Variants in UCK2 observed in about 807,000 individuals in gnomAD.
UCK2 encodes the protein uridine-cytidine kinase 2.
UCK2 carries 6 observed loss-of-function variants against 30.8 expected under a neutral mutation model. The ratio of observed to expected loss-of-function variants is 0.19; its 90% confidence interval spans 0.11 to 0.38. UCK2 has a LOEUF of 0.38. Ranked by LOEUF, UCK2 falls within the 10% of genes least tolerant of loss-of-function variation. UCK2 has a pLI of 1.00. For missense variants in UCK2, 210 were observed against 339.8 expected, an observed-to-expected ratio of 0.62 and a Z score of 3.00; for synonymous variants, 125 against 133.6, an observed-to-expected ratio of 0.94 and a Z score of 0.45.
chr1:165,909,003 A>G lies in UCK2; in HGVS notation c.*1180A>G, dbSNP rs892394261. The G allele has an allele frequency of 5.3e-5, 8 of 152,334 alleles. No homozygotes were observed. The highest frequency in any genetic ancestry group is 1.2e-4 in the African/African-American group (5 of 41,560). 9.4% of individuals were successfully genotyped at this position (152,334 alleles called of 1,614,324 possible). A position where few individuals can be genotyped will look rare whatever the true frequency, so the allele number is the denominator to read the frequency against. On this transcript the variant is annotated 3_prime_UTR_variant, in exon 7 of 7. Coordinates refer to ENST00000367879, the MANE Select transcript of UCK2 (RefSeq NM_012474.5). The stretch of plus-strand genomic sequence containing the variant: ...GGCCAGGATGCTTTACTTATTTGCA[A>G]TACCACCTAGTGGATATGGCAACTG...
chr1:165,873,099 A>G (rs1194193284), intron 1 of UCK2, among the ~76,000 whole-genome samples: 1 of 152,248 alleles, frequency 6.6e-6, no homozygotes, highest in Non-Finnish European at 1.5e-5. Flanking sequence ...GAACTACCGA[A>G]AAACAAACCA....
intron 1 of UCK2, among the ~76,000 whole-genome samples, chr1:165,850,618 T>A (rs1654567312): frequency 5.1e-3 from 1 of 196 alleles, no homozygotes. Context: ...ATTTTTAAAT[T>A]TTTTTTTTTT....
At chr1:165,845,784 C>G (rs1362013846) in intron 1 of UCK2, among the ~76,000 whole-genome samples, 4 of 152,228 alleles carry the variant, frequency 2.6e-5, no homozygotes, top group African/African-American at 9.6e-5. Flanking sequence ...CCTCCTGCCT[C>G]AGCCTCCTGA....
At chr1:165,861,843 T>A (rs1056978757) in intron 1 of UCK2, among the ~76,000 whole-genome samples, 1 of 152,102 alleles carries the variant, frequency 6.6e-6, no homozygotes, top group Non-Finnish European at 1.5e-5. Flanking sequence ...AGCTTATTTT[T>A]CTCTTCACCA....
chr1:165,907,081 C>T (rs1280040916), intron 6 of UCK2, among the ~76,000 whole-genome samples: 2 of 152,178 alleles, frequency 1.3e-5, no homozygotes, highest in African/African-American at 4.8e-5. Context: ...TGAGCTTATA[C>T]AGTCTGAAGG....
At chr1:165,872,374 C>G (rs891697843) in intron 1 of UCK2, among the ~76,000 whole-genome samples, 1 of 152,104 alleles carries the variant, frequency 6.6e-6, no homozygotes, top group Non-Finnish European at 1.5e-5. Flanking sequence ...CATGCCTGGC[C>G]GTCTTTTAGG....
At chr1:165,850,198 T>G (rs1430843992) in intron 1 of UCK2, among the ~76,000 whole-genome samples, 1 of 150,986 alleles carries the variant, frequency 6.6e-6, no homozygotes, top group Non-Finnish European at 1.5e-5. Flanking sequence ...TGTTGTGATC[T>G]TGGCTCACCA....
intron 1 of UCK2, among the ~76,000 whole-genome samples, chr1:165,877,210 TAC>T (rs1426833332): frequency 6.6e-6 from 1 of 152,190 alleles, no homozygotes; most frequent in Non-Finnish European, 1.5e-5. Flanking sequence ...TGAGAAGCTA[TAC>T]CTCTGGGATA....
chr1:165,871,244 A>ACTCT (rs1475381078), intron 1 of UCK2, among the ~76,000 whole-genome samples: 3 of 152,178 alleles, frequency 2.0e-5, no homozygotes, highest in African/African-American at 4.8e-5. Flanking sequence ...TCTTAACAGG[A>ACTCT]TACCCTGCAC....
chr1:165,856,992 CAG>C (rs1654763893), intron 1 of UCK2, among the ~76,000 whole-genome samples: 1 of 150,452 alleles, frequency 6.6e-6, no homozygotes, highest in Non-Finnish European at 1.5e-5. Context: ...TCATTCTCTG[CAG>C]AGAGAATGTT....
At chr1:165,858,475 C>A (rs1034483370) in intron 1 of UCK2, among the ~76,000 whole-genome samples, 1 of 152,210 alleles carries the variant, frequency 6.6e-6, no homozygotes, top group African/African-American at 2.4e-5. Context: ...GGTGAACAAA[C>A]AAGCAACCAG....
chr1:165,836,252 A>C (rs1654188735), intron 1 of UCK2, among the ~76,000 whole-genome samples: 1 of 152,196 alleles, frequency 6.6e-6, no homozygotes, highest in Admixed American at 6.5e-5. Flanking sequence ...AAACAAAAAA[A>C]ACAACCAAAT....
chr1:165,903,583 G>A (rs567273023), intron 5 of UCK2, among the ~76,000 whole-genome samples: 3 of 152,116 alleles, frequency 2.0e-5, no homozygotes, highest in Non-Finnish European at 4.4e-5. Flanking sequence ...GTGTGAGACC[G>A]TTTACTGAGG....
chr1:165,860,737 A>C (rs1243235607), intron 1 of UCK2, among the ~76,000 whole-genome samples: 1 of 152,170 alleles, frequency 6.6e-6, no homozygotes, highest in Non-Finnish European at 1.5e-5. Context: ...GGTGTGAGCC[A>C]CAGCGCCCCG....
intron 1 of UCK2, among the ~76,000 whole-genome samples, chr1:165,833,290 G>T (rs995077777): frequency 3.9e-5 from 6 of 152,056 alleles, no homozygotes; most frequent in African/African-American, 1.4e-4. Flanking sequence ...TGGCCCTTCG[G>T]ACCTTCTTCC....
At chr1:165,851,484 A>G (rs370847280) in intron 1 of UCK2, among the ~76,000 whole-genome samples, 2 of 152,062 alleles carry the variant, frequency 1.3e-5, no homozygotes, top group African/African-American at 4.8e-5. Context: ...AGACCTCCTT[A>G]TAGCCTGATG....
chr1:165,875,172 A>G (rs1655305300), intron 1 of UCK2, among the ~76,000 whole-genome samples: 1 of 152,172 alleles, frequency 6.6e-6, no homozygotes, highest in African/African-American at 2.4e-5. Context: ...TTAGGCATGT[A>G]GCTTATTAAC....
At chr1:165,888,871 G>T (rs1250991618) in intron 1 of UCK2, among the ~76,000 whole-genome samples, 2 of 151,818 alleles carry the variant, frequency 1.3e-5, no homozygotes, top group African/African-American at 4.8e-5. Context: ...GTCTTTGTAT[G>T]AAATGAAAAA....
chr1:165,839,128 G>T (rs1191194714), intron 1 of UCK2, among the ~76,000 whole-genome samples: 1 of 152,024 alleles, frequency 6.6e-6, no homozygotes, highest in Non-Finnish European at 1.5e-5. Context: ...AGCTCTTAAA[G>T]AACTGTCACC....
Sources: gnomAD v4.1 joint callset for allele counts (sites outside exome capture counted in the v4.1 genomes callset) on GRCh38, gnomAD v4.1.1 for gene constraint, MANE v1.5 for transcripts, NCBI Gene and HGNC (gene_info 2026-07-23, HGNC 2026-07-21) for gene names.